The following PTPRD variants were observed in gnomAD, a reference collection of about 807,000 sequenced individuals.
PTPRD encodes the protein receptor-type tyrosine-protein phosphatase delta.
A neutral mutation model predicts 214.5 loss-of-function variants in PTPRD; 34 were observed. The ratio of observed to expected loss-of-function variants is 0.16; its 90% confidence interval spans 0.12 to 0.21. The LOEUF (loss-of-function observed/expected upper bound fraction) is 0.21. Among genes scored for constraint, PTPRD ranks in the 10% least tolerant of loss-of-function variants. The pLI is 1.00. For missense variants in PTPRD, 2,545 were observed against 2,398.7 expected (o/e 1.06, Z -1.27); for synonymous variants, 1,128 against 845.7 (o/e 1.33, Z -5.79).
At chr9:8,856,888 A>T (rs548077229) in intron 11 of PTPRD, among the ~76,000 whole-genome samples, 26 of 152,348 alleles carry the variant, frequency 1.7e-4, no homozygotes, top group African/African-American at 6.0e-4. Flanking sequence ...CAGAGAAGCA[A>T]TGCAAGTTTT....
chr9:9,444,889 T>C (rs886122997), intron 8 of PTPRD, among the ~76,000 whole-genome samples: 15 of 152,192 alleles, frequency 9.9e-5, no homozygotes, highest in African/African-American at 3.6e-4. Flanking sequence ...AAGTTAAATG[T>C]AAATTGACCC....
Position 9,476,197 on chromosome 9 carries a change from C to T in PTPRD, c.-236-78715G>A, listed in dbSNP as rs147591824. 7.0e-3 allele frequency among the ~76,000 whole-genome samples: 1,061 copies of T among 152,246 alleles called. 4 individuals are homozygous for T. The highest frequency in any genetic ancestry group is 0.025 in the African/African-American group (1,020 of 41,540). On this transcript the variant is annotated intron_variant, in intron 8 of 45. Transcript: ENST00000381196. ...AGAATCCCTCAGTTCAGCCGGCTGA[C>T]TCCTAGTGTGTCTATCTCTTCTTGA...
At chr9:8,889,307 T>C (rs1161533391) in intron 11 of PTPRD, among the ~76,000 whole-genome samples, 3 of 152,074 alleles carry the variant, frequency 2.0e-5, no homozygotes, top group Admixed American at 2.0e-4. Context: ...AATTGCGTAA[T>C]ATGTATGTCT....
intron 2 of PTPRD, among the ~76,000 whole-genome samples, chr9:10,598,505 A>G (rs1289622020): frequency 1.3e-5 from 2 of 151,792 alleles, no homozygotes; most frequent in African/African-American, 4.8e-5. Flanking sequence ...TTATCCAAAA[A>G]GCCAGTCACA....
chr9:9,728,821 A>G (rs1050278842), intron 7 of PTPRD, among the ~76,000 whole-genome samples: 4 of 151,820 alleles, frequency 2.6e-5, no homozygotes, highest in African/African-American at 9.7e-5. Flanking sequence ...GAGTGTAGAT[A>G]TGTATCTTGT....
At chr9:8,954,055 G>A (rs1413474074) in intron 11 of PTPRD, among the ~76,000 whole-genome samples, 1 of 152,008 alleles carries the variant, frequency 6.6e-6, no homozygotes, top group Non-Finnish European at 1.5e-5. Context: ...TATGTTCATT[G>A]CAGTGCTATT....
rs146753463 is a variant in PTPRD, at chr9:9,689,466, T to G, written c.-287+45067A>C. Among the ~76,000 whole-genome samples, 3 of 152,068 alleles carry G rather than the reference T, an allele frequency of 2.0e-5. No individual in the cohort carries two copies. The South Asian group carries it at 6.2e-4, about 31-fold the overall frequency. On this transcript the variant is annotated intron_variant, in intron 7 of 45. Coordinates refer to ENST00000381196, the MANE Select transcript of PTPRD (RefSeq NM_002839.4). ...CATGTAATATATCTATGATCTTAAA[T>G]ATTTATCTTTTATTTATGTTGTGAA...
At chr9:9,450,756 GGT>G (rs961074649) in intron 8 of PTPRD, among the ~76,000 whole-genome samples, 1 of 137,846 alleles carries the variant, frequency 7.3e-6, no homozygotes, top group Non-Finnish European at 1.7e-5. Context: ...TATGGGGGGG[GGT>G]GTGTGTGTCC....
At chr9:8,954,204 G>A (rs1228635351) in intron 11 of PTPRD, among the ~76,000 whole-genome samples, 1 of 151,922 alleles carries the variant, frequency 6.6e-6, no homozygotes, top group African/African-American at 2.4e-5. Context: ...CAACATGCAT[G>A]CAGCTTAAGG....
chr9:8,406,079 TAGTC>T (rs1313227736), intron 35 of PTPRD, among the ~76,000 whole-genome samples: 2 of 152,144 alleles, frequency 1.3e-5, no homozygotes, highest in Non-Finnish European at 2.9e-5. Flanking sequence ...ATATACAAAA[TAGTC>T]AATCAATGAG....
At chr9:8,594,757 C>T (rs1175467559) in intron 14 of PTPRD, among the ~76,000 whole-genome samples, 2 of 152,140 alleles carry the variant, frequency 1.3e-5, no homozygotes, top group Non-Finnish European at 2.9e-5. Context: ...ACCTCCCCAG[C>T]CATGAAGAAC....
At chr9:8,534,810 G>GGTGGTCAAATAAGGTGGCCAAATA (rs1251358625) in intron 14 of PTPRD, among the ~76,000 whole-genome samples, 1 of 151,724 alleles carries the variant, frequency 6.6e-6, no homozygotes, top group Non-Finnish European at 1.5e-5. Flanking sequence ...TTGGTCTTAA[G>GGTGGTCAAATAAGGTGGCCAAATA]GTGGTCAAAT....
intron 11 of PTPRD, among the ~76,000 whole-genome samples, chr9:8,806,307 A>T (rs992526630): frequency 3.9e-5 from 6 of 152,038 alleles, no homozygotes; most frequent in African/African-American, 1.4e-4. Flanking sequence ...TGTGTGCATA[A>T]ATATCACACT....
intron 4 of PTPRD, among the ~76,000 whole-genome samples, chr9:9,943,501 C>CA (rs1278155718): frequency 1.2e-4 from 18 of 152,120 alleles, no homozygotes; most frequent in Non-Finnish European, 2.4e-4. Context: ...AACAAATCAA[C>CA]AAAAATTACT....
At chr9:9,871,942 CCAGA>C (rs147110633) in intron 5 of PTPRD, among the ~76,000 whole-genome samples, 2,213 of 152,170 alleles carry the variant, frequency 0.015, 53 homozygotes, top group African/African-American at 0.05. Context: ...TTTACAATTG[CCAGA>C]CAAACAACTA....
rs1027775966 is a variant in PTPRD, at chr9:9,168,031, C to T, written c.-143+15273G>A. On this transcript the variant is annotated intron_variant, in intron 10 of 45. Transcript: ENST00000381196. ...TAACTGATTTTTTTTTCCACCTTTGCTTTATTCTGAAGGTTTGGCAAACTA... is the reference window on the plus strand; with the variant it reads ...TAACTGATTTTTTTTTCCACCTTTGTTTTATTCTGAAGGTTTGGCAAACTA... Among the ~76,000 whole-genome samples, 5 of 152,004 alleles carry T rather than the reference C, an allele frequency of 3.3e-5. No homozygotes were observed. The South Asian group carries it at 1.0e-3, about 32-fold the overall frequency.
chr9:8,995,428 G>A (rs976910527), intron 11 of PTPRD, among the ~76,000 whole-genome samples: 32 of 151,860 alleles, frequency 2.1e-4, no homozygotes, highest in African/African-American at 4.8e-4. Flanking sequence ...ATTGAAACTC[G>A]CTGCTGGGAT....
intron 7 of PTPRD, among the ~76,000 whole-genome samples, chr9:9,617,124 T>C (rs565872157): frequency 2.6e-5 from 4 of 152,310 alleles, no homozygotes; most frequent in Admixed American, 6.5e-5. Context: ...TTGTAAAGAA[T>C]AGAATGCTTA....
chr9:10,119,748 C>T (rs60104452), intron 3 of PTPRD, among the ~76,000 whole-genome samples: 21 of 151,728 alleles, frequency 1.4e-4, no homozygotes, highest in Non-Finnish European at 2.7e-4. Flanking sequence ...TCTGTTAGAA[C>T]AAAAATTTAT....
Sources: allele counts gnomAD v4.1 joint callset (sites outside exome capture counted in the v4.1 genomes callset), GRCh38; gene constraint gnomAD v4.1.1; transcripts MANE v1.5; gene names NCBI Gene and HGNC (gene_info 2026-07-23, HGNC 2026-07-21).